OXNAD1: variants seen among roughly 807,000 people sequenced by gnomAD.
The protein encoded by OXNAD1 is oxidoreductase NAD binding domain containing 1, also known as oxidoreductase NAD-binding domain-containing protein 1.
Under a neutral mutation model 32.9 loss-of-function variants are expected in OXNAD1, and 34 were observed. The ratio of observed to expected loss-of-function variants is 1.03; its 90% CI spans 0.79 to 1.38. The LOEUF is 1.38. Among genes scored for constraint, OXNAD1 ranks in the 40% most tolerant of loss-of-function variants. OXNAD1 has a pLI of 0.00. For synonymous variants in OXNAD1, 134 were observed against 135.2 expected, an observed-to-expected ratio of 0.99 and a Z score of 0.06; for missense variants, 407 against 379.4, an observed-to-expected ratio of 1.07 and a Z score of -0.60.
intron 9 of OXNAD1, among the ~76,000 whole-genome samples, chr3:16,325,143 T>C (rs2069568755): frequency 6.6e-6 from 1 of 152,250 alleles, no homozygotes; most frequent in Admixed American, 6.5e-5. Context: ...TGCACCTATT[T>C]TGTGTAGCGG....
At chr3:16,307,941 G>C (rs1054379678), downstream of OXNAD1, among the ~76,000 whole-genome samples, 1 of 152,150 alleles carries the variant, frequency 6.6e-6, no homozygotes, top group African/African-American at 2.4e-5. Flanking sequence ...TGAAATAACA[G>C]CCTGATTGTA....
At chr3:16,276,619 T>G (rs1179476503) in intron 4 of OXNAD1, 1 of 164,852 alleles carries the variant, frequency 6.1e-6, no homozygotes, top group Non-Finnish European at 1.3e-5. Context: ...TCCTGGCGAT[T>G]TGTAGAGTAA....
rs1453645977 is a variant in OXNAD1 at position 16,317,874 on chromosome 3, C to T, written c.*30+14282C>T. 1.3e-5 allele frequency among the ~76,000 whole-genome samples: 2 copies of T among 152,196 alleles called. No homozygotes were observed. Among genetic ancestry groups the T allele is most frequent in the Admixed American group, 6.5e-5 (1 of 15,278 alleles). ...GATACAACAACCCATTTCCTGATCC[C>T]AATTTGGGATAACGCAAATGCCATC... is the stretch of plus-strand genomic sequence containing the variant. On this transcript the variant is annotated intron_variant, in intron 9 of 9. Coordinates refer to the OXNAD1 transcript ENST00000435829. The surrounding 1 kb of genome is among the most constrained non-coding windows in gnomAD (Gnocchi z 4.3).
chr3:16,314,152 C>T lies in OXNAD1; in HGVS notation c.*30+10560C>T, dbSNP rs550066533. ...GCTGCAGCCTCACAGACTTAACTGC[C>T]AAGTGCACAAGCTTCCTCATGCCAA... is the stretch of plus-strand genomic sequence containing the variant. On this transcript the variant is annotated intron_variant, in intron 9 of 9. Transcript: ENST00000435829. This position sits in a 1 kb window ranked among gnomAD's most constrained non-coding sequence, Gnocchi z 4.4. Among the ~76,000 whole-genome samples the T allele has an allele frequency of 2.0e-5, 3 of 152,170 alleles. No homozygotes were observed. Among genetic ancestry groups the T allele is most frequent in the Admixed American group, 2.0e-4 (3 of 15,288 alleles).
rs771301231 is a variant in OXNAD1, at chr3:16,305,210, A to G, written c.*1648A>G. 1 of 152,302 alleles carries G rather than the reference A, an allele frequency of 6.6e-6. No individual in the cohort carries two copies. The highest frequency in any genetic ancestry group is 1.5e-5 in the Non-Finnish European group (1 of 68,142). 9.4% of individuals were successfully genotyped at this position (152,302 alleles called of 1,614,324 possible). On this transcript the variant is annotated 3_prime_UTR_variant, in exon 9 of 9. Coordinates refer to ENST00000285083, the MANE Select transcript of OXNAD1 (RefSeq NM_138381.5). The surrounding 1 kb of genome is among the most constrained non-coding windows in gnomAD (Gnocchi z 4.5). ...AGGCAGTCTGCGGGGGAGGACACCT[A>G]AAGGTATGCGGAAAGTACCTAACCC...
chr3:16,302,588 C>T lies in OXNAD1; in HGVS notation c.676-52C>T. 2 of 1,252,136 alleles carry T rather than the reference C, an allele frequency of 1.6e-6. No individual in the cohort carries two copies. The highest frequency in any genetic ancestry group is 2.3e-6 in the Non-Finnish European group (2 of 869,604). 77.6% of individuals were successfully genotyped at this position (1,252,136 alleles called of 1,614,324 possible). On this transcript the variant is annotated intron_variant, in intron 7 of 8. Transcript: ENST00000285083. The surrounding 1 kb of genome is among the most constrained non-coding windows in gnomAD (Gnocchi z 4.2). ...GTTCAGCGTCAATGGTTGTGCACATCTGTTTTGATTTTTTAAAATTGTAGT... is the reference window on the plus strand; with the variant it reads ...GTTCAGCGTCAATGGTTGTGCACATTTGTTTTGATTTTTTAAAATTGTAGT...
chr3:16,279,215 G>A (rs1426809817), intron 4 of OXNAD1, among the ~76,000 whole-genome samples: 1 of 152,154 alleles, frequency 6.6e-6, no homozygotes, highest in East Asian at 1.9e-4. Context: ...CTCACTGCCT[G>A]GAGGTAGTTG....
At chr3:16,338,244 A>G (rs1268769626), downstream of OXNAD1, among the ~76,000 whole-genome samples, 2 of 152,224 alleles carry the variant, frequency 1.3e-5, no homozygotes, top group Admixed American at 1.3e-4. The surrounding 1 kb of genome is among the most constrained non-coding windows in gnomAD (Gnocchi z 5.3). Flanking sequence ...GTGTCTGCCC[A>G]CACACACCTG....
rs1301118372 is a variant in OXNAD1 at position 16,284,744 on chromosome 3, T to C, written c.184-1598T>C. ...GGTATAGGTGGTATTATTCTCATTT[T>C]ATAGCTGAGGAGGGCTAGGTAACTT... On this transcript the variant is annotated intron_variant, in intron 4 of 8. Coordinates refer to ENST00000285083, the MANE Select transcript of OXNAD1 (RefSeq NM_138381.5). The surrounding 1 kb of genome is among the most constrained non-coding windows in gnomAD (Gnocchi z 4.1). Among the ~76,000 whole-genome samples the C allele has an allele frequency of 6.6e-6, 1 of 152,258 alleles. No homozygotes were observed. The highest frequency in any genetic ancestry group is 1.5e-5 in the Non-Finnish European group (1 of 68,042).
Position 16,295,001 on chromosome 3 carries a change from A to G in OXNAD1, c.432+4A>G, listed in dbSNP as rs1242015933. On this transcript the variant is annotated splice_donor_region_variant and intron_variant, in intron 6 of 8. Coordinates refer to ENST00000285083, the MANE Select transcript of OXNAD1 (RefSeq NM_138381.5). ...TGCCCTCTGGGTTCACAATACGGTA[A>G]GCACACTGCCTGTTTAAACGCGATG... 2.5e-6 allele frequency: 4 copies of G among 1,608,744 alleles called. No individual in the cohort carries two copies. In the African/African-American group the frequency reaches 4.0e-5, roughly 16 times the overall value.
At chr3:16,323,595 ACTCTTCC>A in intron 9 of OXNAD1, 1 of 585,074 alleles carries the variant, frequency 1.7e-6, no homozygotes, top group Non-Finnish European at 3.0e-6. Flanking sequence ...CGCCTGCTCT[ACTCTTCC>A]GCTCCCAGGC....
chr3:16,278,214 T>G (rs924086681), intron 4 of OXNAD1, among the ~76,000 whole-genome samples: 1 of 152,252 alleles, frequency 6.6e-6, no homozygotes, highest in African/African-American at 2.4e-5. Flanking sequence ...TCCTCAGATT[T>G]TAATGGGACT....
chr3:16,330,555 A>G (rs2070210898), intron 9 of OXNAD1, among the ~76,000 whole-genome samples: 1 of 152,144 alleles, frequency 6.6e-6, no homozygotes, highest in African/African-American at 2.4e-5. Flanking sequence ...ACAAAAAGAC[A>G]TTTCTTTCTC....
downstream of OXNAD1, among the ~76,000 whole-genome samples, chr3:16,341,902 C>A (rs549112346): frequency 6.6e-6 from 1 of 152,232 alleles, no homozygotes; most frequent in African/African-American, 2.4e-5. This position sits in a 1 kb window ranked among gnomAD's most constrained non-coding sequence, Gnocchi z 4.7. Context: ...AGAATATACA[C>A]AGGAAGGATT....
At chr3:16,326,244 G>A (rs1488792106) in intron 9 of OXNAD1, among the ~76,000 whole-genome samples, 5 of 152,248 alleles carry the variant, frequency 3.3e-5, no homozygotes, top group African/African-American at 9.6e-5. Context: ...AAGGAATGCC[G>A]CACCAAGGCC....
At chr3:16,330,978 G>A (rs113270622) in intron 9 of OXNAD1, among the ~76,000 whole-genome samples, 1 of 152,206 alleles carries the variant, frequency 6.6e-6, no homozygotes, top group African/African-American at 2.4e-5. Flanking sequence ...AAGCAATCTA[G>A]GAGAAAAGGA....
At chr3:16,300,580 G>A (rs184873704) in intron 6 of OXNAD1, among the ~76,000 whole-genome samples, 3 of 152,324 alleles carry the variant, frequency 2.0e-5, no homozygotes, top group Non-Finnish European at 4.4e-5. Flanking sequence ...CTACAAGAAC[G>A]TCTTTTGGGC....
intron 6 of OXNAD1, among the ~76,000 whole-genome samples, chr3:16,296,377 A>T (rs150345382): frequency 1.3e-5 from 2 of 152,234 alleles, no homozygotes; most frequent in African/African-American, 4.8e-5. Flanking sequence ...AAAACTCAAC[A>T]TAGTAAAGAA....
At chr3:16,283,024 G>A (rs1299995818) in intron 4 of OXNAD1, among the ~76,000 whole-genome samples, 1 of 151,880 alleles carries the variant, frequency 6.6e-6, no homozygotes, top group Non-Finnish European at 1.5e-5. Context: ...GTAGGCAAGG[G>A]AAAGAAAAAA....
Sources: allele counts gnomAD v4.1 joint callset (sites outside exome capture counted in the v4.1 genomes callset), GRCh38; gene constraint gnomAD v4.1.1; non-coding constraint Gnocchi (gnomAD v3.1); transcripts MANE v1.5; gene names NCBI Gene and HGNC (gene_info 2026-07-23, HGNC 2026-07-21).